Variants in NEURL1B observed in about 807,000 individuals in gnomAD.
NEURL1B encodes E3 ubiquitin-protein ligase NEURL1B.
Under a neutral mutation model 37.4 loss-of-function variants are expected in NEURL1B, and 13 were observed. The observed-to-expected ratio is 0.35, with a 90% CI of 0.23 to 0.55. The LOEUF (loss-of-function observed/expected upper bound fraction) is 0.55, where lower values mean the gene tolerates loss of function less well. Ranked by LOEUF, NEURL1B falls within the 20% of genes least tolerant of loss-of-function variation. NEURL1B has a pLI of 0.89. For synonymous variants in NEURL1B, 432 were observed against 426.6 expected (o/e 1.01, Z -0.16); for missense variants, 790 against 879.2 (o/e 0.90, Z 1.28).
rs1758311655 is a variant in NEURL1B, at chr5:172,679,832, G to C, written c.578-3587G>C. 2.0e-5 allele frequency among the ~76,000 whole-genome samples: 3 copies of C among 152,204 alleles called. No individual in the cohort carries two copies. The South Asian group carries it at 6.2e-4, about 32-fold the overall frequency. On this transcript the variant is annotated intron_variant, in intron 2 of 4. Transcript: ENST00000369800. ...GGTCGCAGCCTGTTGATCAGTCAGG[G>C]AGGCCTTTTCTGGCCTTAGTCCCCC...
rs568049488 is a variant in NEURL1B, at chr5:172,686,901, C to T, written c.1644C>T (p.Asp548=). The change falls in exon 5 of 5, where the codon GAC becomes GAT. Residue 548 remains aspartate, a synonymous_variant. Coordinates refer to ENST00000369800, the MANE Select transcript of NEURL1B (RefSeq NM_001142651.3). The surrounding 1 kb of genome is among the most constrained non-coding windows in gnomAD (Gnocchi z 7.9). ...CCPICRRPIK[D]VIKIYRP is the part of the protein sequence containing the mutation. Reference sequence around the variant, plus strand: ...CCATCTGCCGGCGGCCCATCAAGGACGTCATTAAGATCTACAGGCCATAGC... The same window carrying T: ...CCATCTGCCGGCGGCCCATCAAGGATGTCATTAAGATCTACAGGCCATAGC... 1.6e-4 allele frequency: 247 copies of T among 1,549,898 alleles called. 1 individual carries two copies. In the African/African-American group the frequency reaches 2.7e-3, roughly 17 times the overall value.
At chr5:172,664,928 G>A (rs901065073) in intron 1 of NEURL1B, among the ~76,000 whole-genome samples, 5 of 152,112 alleles carry the variant, frequency 3.3e-5, no homozygotes, top group African/African-American at 9.7e-5. Flanking sequence ...TTACTTGGCC[G>A]CATTTTATCC....
Position 172,691,161 on chromosome 5 carries a change from T to C in NEURL1B, c.*4236T>C, listed in dbSNP as rs1309769217. 1 of 152,162 alleles carries C rather than the reference T, an allele frequency of 6.6e-6. No individual in the cohort carries two copies. The highest frequency in any genetic ancestry group is 1.5e-5 in the Non-Finnish European group (1 of 68,026). 9.4% of individuals were successfully genotyped at this position (152,162 alleles called of 1,614,324 possible). A position where few individuals can be genotyped will look rare whatever the true frequency, so the allele number is the denominator to read the frequency against. ...TTTAAAAGCAACTTTTAAAAGTGGATGGGGAGGGGGGCTAGCATACGTGGT... is the reference window on the plus strand; with the variant it reads ...TTTAAAAGCAACTTTTAAAAGTGGACGGGGAGGGGGGCTAGCATACGTGGT... On this transcript the variant is annotated 3_prime_UTR_variant, in exon 5 of 5. Coordinates refer to ENST00000369800, the MANE Select transcript of NEURL1B (RefSeq NM_001142651.3).
chr5:172,673,701 G>A (rs1758174380), intron 2 of NEURL1B, among the ~76,000 whole-genome samples: 1 of 150,754 alleles, frequency 6.6e-6, no homozygotes, highest in Admixed American at 6.7e-5. Context: ...TGGGCCTAAG[G>A]AATCCTCCTG....
At position 172,689,513 on chromosome 5, in the gene NEURL1B, A is replaced by G. The variant is rs1202517999; in HGVS notation, c.*2588A>G. The G allele has an allele frequency of 2.0e-5, 3 of 152,226 alleles. No individual in the cohort carries two copies. Among genetic ancestry groups the G allele is most frequent in the Non-Finnish European group, 2.9e-5 (2 of 68,028 alleles). The allele number at this position is 152,226 out of a possible 1,614,324, so 9.4% of individuals were successfully genotyped here. On this transcript the variant is annotated 3_prime_UTR_variant, in exon 5 of 5. Coordinates refer to ENST00000369800, the MANE Select transcript of NEURL1B (RefSeq NM_001142651.3). The stretch of plus-strand genomic sequence containing the variant: ...ATGCTACAACTGTACAGTTCCTTCC[A>G]ATCAGAGATGTTCACGTGTGAAAAA...
chr5:172,668,206 G>A (rs1420171739), intron 1 of NEURL1B, among the ~76,000 whole-genome samples: 1 of 152,110 alleles, frequency 6.6e-6, no homozygotes, highest in East Asian at 1.9e-4. Context: ...CAACAGCCTT[G>A]TCTGTCTTGG....
At position 172,683,526 on chromosome 5, in the gene NEURL1B, C is replaced by T; in HGVS notation, c.685C>T (p.Leu229Phe). 1 of 1,499,708 alleles carries T rather than the reference C, an allele frequency of 6.7e-7. No homozygotes were observed. The allele number at this position is 1,499,708 out of a possible 1,614,324, so 92.9% of individuals were successfully genotyped here. A position where few individuals can be genotyped will look rare whatever the true frequency, so the allele number is the denominator to read the frequency against. ...CGCGGCCAACTTCGACAACAACGAGCTCGAGAACAACCAGGTGGTGGCCAA... is the reference window on the plus strand; with the variant it reads ...CGCGGCCAACTTCGACAACAACGAGTTCGAGAACAACCAGGTGGTGGCCAA... The part of the protein sequence containing the change: ...HDAANFDNNE[L>F]ENNQVVAKLG... The change falls in exon 3 of 5, where the codon CTC (leucine) becomes TTC (phenylalanine). Residue 229 changes from leucine to phenylalanine, a missense_variant. By Grantham distance (22) the Leu-to-Phe change is conservative (BLOSUM62 0). Coordinates refer to ENST00000369800, the MANE Select transcript of NEURL1B (RefSeq NM_001142651.3). This position sits in a 1 kb window ranked among gnomAD's most constrained non-coding sequence, Gnocchi z 5.6.
intron 1 of NEURL1B, among the ~76,000 whole-genome samples, chr5:172,645,981 A>G (rs1217895439): frequency 6.6e-6 from 1 of 152,228 alleles, no homozygotes; most frequent in Non-Finnish European, 1.5e-5. Context: ...AATCTGGTGC[A>G]TTTATGTAGT....
At chr5:172,644,710 A>G (rs1437627988) in intron 1 of NEURL1B, among the ~76,000 whole-genome samples, 1 of 152,202 alleles carries the variant, frequency 6.6e-6, no homozygotes, top group Non-Finnish European at 1.5e-5. Flanking sequence ...CACTTTGCAT[A>G]CAGTTAGGCA....
Position 172,683,447 on chromosome 5 carries a change from CG to C in NEURL1B, c.607del (p.Ala203ArgfsTer88). On this transcript the variant is annotated frameshift_variant, in exon 3 of 5. Coordinates refer to ENST00000369800, the MANE Select transcript of NEURL1B (RefSeq NM_001142651.3). LOFTEE classifies it high-confidence loss of function. The surrounding 1 kb of genome is among the most constrained non-coding windows in gnomAD (Gnocchi z 5.6). ...GCGCCTTCGCTGACACGCTGACGCC[CG>C]CGCGCCTCAGCCAGGCCCGCTTCAG... ...ESAFADTLTP[A>X]RLSQARFSAC... 6.9e-7 allele frequency: 1 copy of C among 1,456,416 alleles called. No homozygotes were observed. Among genetic ancestry groups the C allele is most frequent in the East Asian group, 2.8e-5 (1 of 36,014 alleles). 90.2% of individuals were successfully genotyped at this position (1,456,416 alleles called of 1,614,324 possible).
intron 1 of NEURL1B, among the ~76,000 whole-genome samples, chr5:172,645,434 A>G (rs1487372930): frequency 1.3e-5 from 2 of 152,110 alleles, no homozygotes; most frequent in African/African-American, 4.8e-5. Flanking sequence ...CTGCTCCCTG[A>G]CTTCCCATCT....
intron 1 of NEURL1B, 122 bp from the exon 2 acceptor site, chr5:172,669,657 CTTAAGT>C: frequency 2.7e-6 from 2 of 734,030 alleles, no homozygotes; most frequent in Non-Finnish European, 3.7e-6. Flanking sequence ...CTGGAACCTT[CTTAAGT>C]TTATCAGTAA....
intron 1 of NEURL1B, among the ~76,000 whole-genome samples, chr5:172,663,054 A>AAATAATAATAAT (rs141585182): frequency 4.7e-5 from 7 of 148,086 alleles, no homozygotes; most frequent in South Asian, 2.1e-4. Flanking sequence ...CTGACTCTAC[A>AAATAATAATAAT]AATAATAATA....
In NEURL1B at chr5:172,683,105, G is replaced by A. The variant is rs944081656; in HGVS notation, c.578-314G>A. Among the ~76,000 whole-genome samples the A allele has an allele frequency of 2.0e-5, 3 of 152,196 alleles. No individual in the cohort carries two copies. The highest frequency in any genetic ancestry group is 7.2e-5 in the African/African-American group (3 of 41,442). ...AACCTCGGAAAGAGGGAGAGAAGGG[G>A]AAAGGGTGGAGAGAAAAGGAGGGAT... On this transcript the variant is annotated intron_variant, in intron 2 of 4. Coordinates refer to ENST00000369800, the MANE Select transcript of NEURL1B (RefSeq NM_001142651.3). This position sits in a 1 kb window ranked among gnomAD's most constrained non-coding sequence, Gnocchi z 5.6.
In NEURL1B at chr5:172,683,970, G is replaced by T. The variant is rs1420440418; in HGVS notation, c.1129G>T (p.Val377Leu). Residue 377 changes from valine (V) to leucine (L), a missense_variant, in exon 3 of 5, where the codon GTG becomes TTG. Transcript: ENST00000369800. The surrounding 1 kb of genome is among the most constrained non-coding windows in gnomAD (Gnocchi z 5.6). ...CTGGGTGGTGGCGCGCGCCGGGCCC[G>T]TGCCGAGCGGCGGCGACGCGCTCAG... ...EYWVVARAGP[V>L]PSGGDALSFT... 6.1e-6 allele frequency: 8 copies of T among 1,321,288 alleles called. No individual in the cohort carries two copies. Among genetic ancestry groups the T allele is most frequent in the Non-Finnish European group, 9.7e-7 (1 of 1,032,866 alleles). The allele number at this position is 1,321,288 out of a possible 1,614,324, so 81.8% of individuals were successfully genotyped here.
Position 172,684,059 on chromosome 5 carries a change from G to A in NEURL1B, c.1218G>A (p.Leu406=). The change falls in exon 3 of 5, where the codon CTG becomes CTA. Residue 406 remains leucine (L), a synonymous_variant. Transcript: ENST00000369800. Reference sequence around the variant, plus strand: ...TCAACGGGCGTCCGCGCGGCCGCCTGCTGTGCGTCGACACCACGCAGGCGC... The same window carrying A: ...TCAACGGGCGTCCGCGCGGCCGCCTACTGTGCGTCGACACCACGCAGGCGC... The part of the protein sequence containing the change: ...LGINGRPRGR[L]LCVDTTQALW... 1 of 1,326,748 alleles carries A rather than the reference G, an allele frequency of 7.5e-7. No individual in the cohort carries two copies. The highest frequency in any genetic ancestry group is 9.6e-7 in the Non-Finnish European group (1 of 1,036,982). 82.2% of individuals were successfully genotyped at this position (1,326,748 alleles called of 1,614,324 possible).
rs1017432475 is a variant in NEURL1B, at chr5:172,683,232, T to C, written c.578-187T>C. Among the ~76,000 whole-genome samples, 6 of 152,162 alleles carry C rather than the reference T, an allele frequency of 3.9e-5. No individual in the cohort carries two copies. The highest frequency in any genetic ancestry group is 5.9e-5 in the Non-Finnish European group (4 of 68,034). ...CCGAGGATGGTGCTTAATGCAATTC[T>C]GTGCTCCTGTGACTCACTAAATAAC... On this transcript the variant is annotated intron_variant, in intron 2 of 4. Coordinates refer to ENST00000369800, the MANE Select transcript of NEURL1B (RefSeq NM_001142651.3). The surrounding 1 kb of genome is among the most constrained non-coding windows in gnomAD (Gnocchi z 5.6).
intron 2 of NEURL1B, among the ~76,000 whole-genome samples, chr5:172,678,859 A>T (rs1248494220): frequency 6.6e-6 from 1 of 152,208 alleles, no homozygotes; most frequent in African/African-American, 2.4e-5. Context: ...CTACACCAAG[A>T]TGGTTTCATT....
rs901701261 is a variant in NEURL1B, at chr5:172,653,845, A to AT, written c.31+12417dup. On this transcript the variant is annotated intron_variant, in intron 1 of 4. Coordinates refer to ENST00000369800, the MANE Select transcript of NEURL1B (RefSeq NM_001142651.3). ...TTGCGTAAATTCCCTTTTATAACACATTTTTTTTTCTTTCACGACTTTCAG... is the reference window on the plus strand; with the variant it reads ...TTGCGTAAATTCCCTTTTATAACACATTTTTTTTTTCTTTCACGACTTTCAG... Among the ~76,000 whole-genome samples the AT allele has an allele frequency of 1.7e-4, 26 of 151,438 alleles. No homozygotes were observed. The South Asian group carries it at 2.7e-3, about 16-fold the overall frequency.
Sources: allele counts gnomAD v4.1 joint callset (sites outside exome capture counted in the v4.1 genomes callset), GRCh38; gene constraint gnomAD v4.1.1; non-coding constraint Gnocchi (gnomAD v3.1); transcripts MANE v1.5; gene names NCBI Gene and HGNC (gene_info 2026-07-23, HGNC 2026-07-21).